Variants in NEK1 observed in about 807,000 individuals in gnomAD.
The protein encoded by NEK1 is NIMA related kinase 1, also known as serine/threonine-protein kinase Nek1.
Under a neutral mutation model 182.1 loss-of-function variants are expected in NEK1, and 137 were observed. The ratio of observed to expected loss-of-function variants is 0.75; its 90% CI spans 0.65 to 0.87. NEK1 has a LOEUF of 0.87. NEK1 is among the 40% of genes least tolerant of loss of function. NEK1 has a pLI of 0.00. For missense variants in NEK1, 1,391 were observed against 1,494.4 expected (o/e 0.93, Z 1.14); for synonymous variants, 513 against 492.2 (o/e 1.04, Z -0.56).
intron 19 of NEK1, among the ~76,000 whole-genome samples, chr4:169,516,360 T>C (rs2149729948): frequency 7.6e-6 from 1 of 130,782 alleles, no homozygotes; most frequent in African/African-American, 3.6e-5. Flanking sequence ...GTTTGTTTTT[T>C]TCTTGTAAAT....
Position 169,394,348 on chromosome 4 carries a change from A to G in NEK1, c.*162T>C. On this transcript the variant is annotated 3_prime_UTR_variant, in exon 36 of 36. Transcript: ENST00000507142. Reference sequence around the variant, plus strand: ...AGATAAAATATTAGAATCTTCACTGAAAAATGGCATGTTTCTCCATCTTTT... The same window carrying G: ...AGATAAAATATTAGAATCTTCACTGGAAAATGGCATGTTTCTCCATCTTTT... 1.9e-6 allele frequency: 1 copy of G among 520,530 alleles called. No homozygotes were observed. Among genetic ancestry groups the G allele is most frequent in the South Asian group, 2.8e-5 (1 of 36,230 alleles). 32.2% of individuals were successfully genotyped at this position (520,530 alleles called of 1,614,324 possible).
intron 2 of NEK1, among the ~76,000 whole-genome samples, chr4:169,603,927 C>G (rs1770915439): frequency 6.6e-6 from 1 of 152,120 alleles, no homozygotes; most frequent in South Asian, 2.1e-4. Flanking sequence ...TCTTGAACTC[C>G]TGACCTCAGG....
intron 2 of NEK1, among the ~76,000 whole-genome samples, chr4:169,611,126 A>G (rs1772255137): frequency 6.6e-6 from 1 of 152,256 alleles, no homozygotes; most frequent in Non-Finnish European, 1.5e-5. Context: ...CATGTTCATG[A>G]CTTAGACTAG....
chr4:169,414,904 A>G (rs1273947222), intron 31 of NEK1, among the ~76,000 whole-genome samples: 2 of 152,222 alleles, frequency 1.3e-5, no homozygotes, highest in Non-Finnish European at 2.9e-5. Context: ...TTTGATTAAA[A>G]ATTGCTCTGT....
intron 12 of NEK1, among the ~76,000 whole-genome samples, chr4:169,574,941 T>C (rs1414970134): frequency 2.6e-5 from 4 of 152,188 alleles, no homozygotes; most frequent in Non-Finnish European, 4.4e-5. Context: ...GAATGTACTA[T>C]AAGAGAGTTT....
At chr4:169,423,017 A>G (rs1334425979) in intron 31 of NEK1, among the ~76,000 whole-genome samples, 1 of 152,210 alleles carries the variant, frequency 6.6e-6, no homozygotes, top group Non-Finnish European at 1.5e-5. Flanking sequence ...GAAATTTAAT[A>G]ATCTCTAAAT....
chr4:169,508,896 T>C (rs1259013846), intron 19 of NEK1, 44 bp from the exon 20 acceptor site: 4 of 1,439,602 alleles, frequency 2.8e-6, no homozygotes, highest in South Asian at 1.2e-5. Flanking sequence ...TGACTAAGGC[T>C]ACATTATTAT....
intron 19 of NEK1, among the ~76,000 whole-genome samples, chr4:169,536,924 T>C (rs984443136): frequency 3.3e-5 from 5 of 152,166 alleles, no homozygotes; most frequent in African/African-American, 9.7e-5. Flanking sequence ...GTTAACAATA[T>C]AAAGGGTAAC....
At chr4:169,399,252 C>A (rs890809010) in intron 35 of NEK1, among the ~76,000 whole-genome samples, 1 of 151,150 alleles carries the variant, frequency 6.6e-6, no homozygotes, top group African/African-American at 2.4e-5. Flanking sequence ...CTCACACACA[C>A]AAAAAACGTT....
chr4:169,507,120 C>A lies in NEK1; in HGVS notation c.1924G>T (p.Ala642Ser). 1.3e-6 allele frequency: 2 copies of A among 1,592,060 alleles called. No homozygotes were observed. Among genetic ancestry groups the A allele is most frequent in the Non-Finnish European group, 1.7e-6 (2 of 1,169,876 alleles). ...TGTTCTTTTAGTACAGCAGCACGTG[C>A]ATTTGCATGGGCCTAAAAATAAAAA... ...KIESLKAHAN[A>S]RAAVLKEQLE... The change falls in exon 23 of 36, where the codon GCA becomes TCA. Residue 642 changes from alanine (A) to serine (S), a missense_variant. Physicochemically the swap from Ala to Ser is moderately conservative, Grantham distance 99 (BLOSUM62 1). This residue lies in a region of NEK1 where 1,216 missense variants were observed against 1,277.6 expected (regional missense o/e 0.95). Transcript: ENST00000507142.
chr4:169,463,014 A>C (rs1260971727), intron 27 of NEK1, among the ~76,000 whole-genome samples: 2 of 151,994 alleles, frequency 1.3e-5, no homozygotes, highest in African/African-American at 4.8e-5. Context: ...CCACCCATAC[A>C]CACTTCATTT....
intron 26 of NEK1, among the ~76,000 whole-genome samples, chr4:169,465,017 T>C (rs1030255060): frequency 3.9e-5 from 6 of 152,102 alleles, no homozygotes; most frequent in Non-Finnish European, 8.8e-5. Context: ...TAATATTATG[T>C]ATTATGAGGC....
rs759234462 is a variant in NEK1 at position 169,558,597 on chromosome 4, C to A, written c.1267-2502G>T. The stretch of plus-strand genomic sequence containing the variant: ...TGATCCATGGTGTTGCATGTATAAA[C>A]AGGCTATTCTTTTTACTGCCAAATG... On this transcript the variant is annotated intron_variant, in intron 16 of 35. Transcript: ENST00000507142. 7.9e-5 allele frequency among the ~76,000 whole-genome samples: 12 copies of A among 152,170 alleles called. No individual in the cohort carries two copies. In the South Asian group the frequency reaches 1.4e-3, roughly 18 times the overall value.
At chr4:169,411,574 C>T (rs1238146338) in intron 31 of NEK1, among the ~76,000 whole-genome samples, 1 of 152,146 alleles carries the variant, frequency 6.6e-6, no homozygotes, top group Non-Finnish European at 1.5e-5. Context: ...GTTCCACCTG[C>T]CTCGGCCTCC....
intron 19 of NEK1, among the ~76,000 whole-genome samples, chr4:169,525,801 G>C (rs973990573): frequency 1.3e-5 from 2 of 152,156 alleles, no homozygotes; most frequent in Admixed American, 6.5e-5. Context: ...AAAGCAAACA[G>C]TAATATGCCA....
chr4:169,607,830 A>C (rs931383218), intron 2 of NEK1, among the ~76,000 whole-genome samples: 7 of 152,130 alleles, frequency 4.6e-5, no homozygotes. Flanking sequence ...TTAAGAACTC[A>C]TTCATGGATT....
At chr4:169,453,629 G>A (rs1246968722) in intron 27 of NEK1, among the ~76,000 whole-genome samples, 1 of 152,260 alleles carries the variant, frequency 6.6e-6, no homozygotes, top group Admixed American at 6.5e-5. Flanking sequence ...ACAATAGCAT[G>A]AGCGATCTGT....
intron 19 of NEK1, among the ~76,000 whole-genome samples, chr4:169,527,930 C>G (rs555424472): frequency 6.6e-6 from 1 of 151,988 alleles, no homozygotes; most frequent in South Asian, 2.1e-4. Context: ...TATAAATTCA[C>G]TATAAAAAAC....
intron 27 of NEK1, among the ~76,000 whole-genome samples, chr4:169,446,483 A>G (rs1274596317): frequency 6.6e-6 from 1 of 152,148 alleles, no homozygotes; most frequent in Non-Finnish European, 1.5e-5. Flanking sequence ...TAAATATCAA[A>G]TTCTTCAACA....
Sources: allele counts gnomAD v4.1 joint callset (sites outside exome capture counted in the v4.1 genomes callset), GRCh38; gene constraint gnomAD v4.1.1; regional missense constraint gnomAD v4.1.1; transcripts MANE v1.5; gene names NCBI Gene and HGNC (gene_info 2026-07-23, HGNC 2026-07-21).